SLC8A1: variants seen among roughly 807,000 people sequenced by gnomAD.
The protein encoded by SLC8A1 is sodium/calcium exchanger 1.
A neutral mutation model predicts 68.3 loss-of-function variants in SLC8A1; 18 were observed. That is an observed-to-expected ratio of 0.26 (90% CI 0.18 to 0.39). The LOEUF is 0.39. SLC8A1 is among the 10% of genes least tolerant of loss of function. SLC8A1 has a pLI of 1.00. For missense variants in SLC8A1, 985 were observed against 1,156.7 expected (o/e 0.85, Z 2.15); for synonymous variants, 475 against 415.5 (o/e 1.14, Z -1.74).
chr2:40,435,205 T>C (rs973176410), intron 1 of SLC8A1, among the ~76,000 whole-genome samples: 1 of 152,140 alleles, frequency 6.6e-6, no homozygotes, highest in Non-Finnish European at 1.5e-5. Context: ...ACTGAAAGAC[T>C]CAAAGCTAAG....
intron 2 of SLC8A1, among the ~76,000 whole-genome samples, chr2:40,252,159 T>C (rs1436206629): frequency 6.6e-6 from 1 of 152,226 alleles, no homozygotes; most frequent in Non-Finnish European, 1.5e-5. Context: ...ATGAATTTAT[T>C]CATATAGAGA....
At chr2:40,462,416 A>G (rs1299437880) in intron 1 of SLC8A1, among the ~76,000 whole-genome samples, 1 of 152,110 alleles carries the variant, frequency 6.6e-6, no homozygotes, top group Non-Finnish European at 1.5e-5. Flanking sequence ...CTATTTATAT[A>G]TGAATCCTAG....
intron 2 of SLC8A1, among the ~76,000 whole-genome samples, chr2:40,382,136 A>G (rs1192506905): frequency 6.6e-6 from 1 of 152,084 alleles, no homozygotes; most frequent in East Asian, 1.9e-4. Flanking sequence ...TAATATTGTA[A>G]TTAGTTTAAT....
Position 40,499,798 on chromosome 2 carries a change from G to C in SLC8A1, c.-25+12551C>G, listed in dbSNP as rs543790056. On this transcript the variant is annotated intron_variant, in intron 1 of 7. Transcript: ENST00000402441. ...GTCTCTGACTTCTGTGTCAATAACC[G>C]AGTCAGAATCTGTTTTTCTGGAACA... is the stretch of plus-strand genomic sequence containing the variant. 2.0e-5 allele frequency among the ~76,000 whole-genome samples: 3 copies of C among 152,102 alleles called. No homozygotes were observed. In the South Asian group the frequency reaches 6.2e-4, roughly 32 times the overall value.
intron 2 of SLC8A1, among the ~76,000 whole-genome samples, chr2:40,352,493 C>T (rs1671404390): frequency 6.6e-6 from 1 of 152,078 alleles, no homozygotes; most frequent in Non-Finnish European, 1.5e-5. Context: ...TTCAAAGAAG[C>T]CTGTGAGTCA....
chr2:40,470,774 A>C (rs932462538), intron 1 of SLC8A1, among the ~76,000 whole-genome samples: 3 of 152,012 alleles, frequency 2.0e-5, no homozygotes, highest in Middle Eastern at 3.4e-3. Flanking sequence ...TTAAGACTTA[A>C]TTTTTTCACA....
intron 2 of SLC8A1, among the ~76,000 whole-genome samples, chr2:40,297,145 C>A (rs2070547437): frequency 6.6e-6 from 1 of 152,168 alleles, no homozygotes; most frequent in Admixed American, 6.5e-5. Context: ...AAACTGGGTT[C>A]CTTGAGAGCA....
intron 2 of SLC8A1, among the ~76,000 whole-genome samples, chr2:40,183,233 C>G (rs1008468018): frequency 6.6e-6 from 1 of 152,160 alleles, no homozygotes; most frequent in Non-Finnish European, 1.5e-5. Context: ...AATCATATGA[C>G]TCAAAATTAG....
intron 2 of SLC8A1, among the ~76,000 whole-genome samples, chr2:40,325,485 C>T (rs1046949664): frequency 6.6e-6 from 1 of 152,114 alleles, no homozygotes; most frequent in African/African-American, 2.4e-5. Context: ...AATTTATGAG[C>T]AACCTAAGCA....
intron 7 of SLC8A1, among the ~76,000 whole-genome samples, chr2:40,129,465 G>C (rs949810870): frequency 6.6e-6 from 1 of 152,038 alleles, no homozygotes; most frequent in African/African-American, 2.4e-5. Flanking sequence ...CGAACTCCTG[G>C]ACTAAAGCGA....
intron 2 of SLC8A1, among the ~76,000 whole-genome samples, chr2:40,185,605 G>A (rs423075): frequency 0.11 from 16,430 of 152,104 alleles, 1,035 homozygotes; most frequent in Middle Eastern, 0.2. Context: ...ATAAAAGGCC[G>A]GGTGGGGTGG....
intron 2 of SLC8A1, among the ~76,000 whole-genome samples, chr2:40,284,661 A>AATATAT (rs5830618): frequency 0.2 from 29,610 of 144,754 alleles, 3,339 homozygotes; most frequent in East Asian, 0.37. Context: ...TATAAATATA[A>AATATAT]ATATATATAT....
At chr2:40,391,800 T>C (rs1685356216) in intron 2 of SLC8A1, among the ~76,000 whole-genome samples, 1 of 151,942 alleles carries the variant, frequency 6.6e-6, no homozygotes, top group Non-Finnish European at 1.5e-5. Context: ...ACAAAAAGTG[T>C]TAACCACATC....
chr2:40,317,025 T>A (rs1198451806), intron 2 of SLC8A1, among the ~76,000 whole-genome samples: 1 of 151,942 alleles, frequency 6.6e-6, no homozygotes, highest in Non-Finnish European at 1.5e-5. Flanking sequence ...TCATACGGAG[T>A]AAGTGCTCAA....
chr2:40,242,666 C>G (rs1344985774), intron 2 of SLC8A1, among the ~76,000 whole-genome samples: 1 of 152,146 alleles, frequency 6.6e-6, no homozygotes, highest in Non-Finnish European at 1.5e-5. Flanking sequence ...CATGGTATTG[C>G]CTTACCCATC....
At chr2:40,400,365 G>C (rs1007268667) in intron 2 of SLC8A1, among the ~76,000 whole-genome samples, 3 of 152,130 alleles carry the variant, frequency 2.0e-5, no homozygotes, top group Admixed American at 6.5e-5. Flanking sequence ...TTGAAGGGAA[G>C]ACTCACCCAG....
intron 2 of SLC8A1, among the ~76,000 whole-genome samples, chr2:40,320,400 C>T (rs2075048079): frequency 6.6e-6 from 1 of 152,066 alleles, no homozygotes; most frequent in South Asian, 2.1e-4. Context: ...GTACAGTTTA[C>T]CTGGCATTAG....
At chr2:40,289,891 T>C (rs992651416) in intron 2 of SLC8A1, among the ~76,000 whole-genome samples, 2 of 150,228 alleles carry the variant, frequency 1.3e-5, no homozygotes, top group Non-Finnish European at 2.9e-5. Flanking sequence ...TTAAATTAAA[T>C]TAAAAAATAA....
At chr2:40,331,907 T>C (rs940283200) in intron 2 of SLC8A1, among the ~76,000 whole-genome samples, 1 of 152,064 alleles carries the variant, frequency 6.6e-6, no homozygotes, top group African/African-American at 2.4e-5. Context: ...ATGGCTTTTC[T>C]AAATATTTTC....
Sources: gnomAD v4.1 joint callset for allele counts (sites outside exome capture counted in the v4.1 genomes callset) on GRCh38, gnomAD v4.1.1 for gene constraint, MANE v1.5 for transcripts, NCBI Gene and HGNC (gene_info 2026-07-23, HGNC 2026-07-21) for gene names.